The following HSD17B7 variants were observed in gnomAD, a reference collection of about 807,000 sequenced individuals.
HSD17B7 encodes the protein 3-keto-steroid reductase/17-beta-hydroxysteroid dehydrogenase 7.
Under a neutral mutation model 34.1 loss-of-function variants are expected in HSD17B7, and 17 were observed. That is an observed-to-expected ratio of 0.50 (90% CI 0.34 to 0.75). HSD17B7 has a LOEUF of 0.75. Among genes scored for constraint, HSD17B7 ranks in the 30% least tolerant of loss-of-function variants. The probability of loss-of-function intolerance (pLI) is 0.01; values close to 1 mark genes in which losing one functional copy is unlikely to be tolerated. For missense variants in HSD17B7, 296 were observed against 406.6 expected (o/e 0.73, Z 2.34); for synonymous variants, 122 against 154.6 (o/e 0.79, Z 1.56).
chr1:162,809,014 G>T (rs2102237747), intron 8 of HSD17B7, among the ~76,000 whole-genome samples: 1 of 152,278 alleles, frequency 6.6e-6, no homozygotes, highest in Middle Eastern at 3.4e-3. Flanking sequence ...TGTTGAATAG[G>T]AGTGGAGAGA....
At chr1:162,795,741 G>C (rs1358851935) in intron 2 of HSD17B7, 15 of 436,232 alleles carry the variant, frequency 3.4e-5, no homozygotes, top group Non-Finnish European at 6.9e-5. Flanking sequence ...TTGGTACATA[G>C]AACTCTAGGA....
Position 162,812,591 on chromosome 1 carries a change from T to C in HSD17B7, c.*171T>C. 1.7e-6 allele frequency: 1 copy of C among 604,328 alleles called. No individual in the cohort carries two copies. The allele number at this position is 604,328 out of a possible 1,614,324, so 37.4% of individuals were successfully genotyped here. ...TACTCAGAAGGATGAGGTGGGAGGA[T>C]CTCTTGAGGCTGGGAGGCAGAGGTT... On this transcript the variant is annotated 3_prime_UTR_variant, in exon 9 of 9. Coordinates refer to ENST00000254521, the MANE Select transcript of HSD17B7 (RefSeq NM_016371.4).
intron 2 of HSD17B7, 114 bp downstream of exon 2, chr1:162,792,976 T>C (rs1169109438): frequency 4.9e-6 from 5 of 1,011,660 alleles, no homozygotes; most frequent in Admixed American, 4.1e-5. Flanking sequence ...TAAGCAGTTA[T>C]GTTGAGGAAG....
At chr1:162,808,366 TG>T (rs2102237405) in intron 8 of HSD17B7, among the ~76,000 whole-genome samples, 1 of 152,332 alleles carries the variant, frequency 6.6e-6, no homozygotes, top group Non-Finnish European at 1.5e-5. Context: ...TTTTGGTTAC[TG>T]TAGCCTTGTA....
At chr1:162,796,468 G>A (rs1648613532) in intron 2 of HSD17B7, 117 bp from the exon 3 acceptor site, 2 of 563,452 alleles carry the variant, frequency 3.5e-6, no homozygotes, top group South Asian at 5.9e-5. Context: ...AATTTAAAAA[G>A]TATTTTTTGT....
intron 7 of HSD17B7, among the ~76,000 whole-genome samples, chr1:162,804,885 G>A (rs535461308): frequency 3.3e-5 from 5 of 152,270 alleles, no homozygotes; most frequent in Admixed American, 2.0e-4. Flanking sequence ...CTATACACAC[G>A]TGATGTCTCT....
At chr1:162,795,282 C>T (rs567387184) in intron 2 of HSD17B7, among the ~76,000 whole-genome samples, 2 of 152,304 alleles carry the variant, frequency 1.3e-5, no homozygotes, top group South Asian at 4.1e-4. Context: ...CCATCTGTAG[C>T]ATTCTCTTCT....
intron 2 of HSD17B7, chr1:162,795,764 A>G (rs1008923391): frequency 2.3e-6 from 1 of 426,940 alleles, no homozygotes; most frequent in Admixed American, 2.6e-5. Flanking sequence ...TATTCTGAAT[A>G]TTTATGGTGT....
At chr1:162,794,470 A>G (rs1648532102) in intron 2 of HSD17B7, among the ~76,000 whole-genome samples, 1 of 152,136 alleles carries the variant, frequency 6.6e-6, no homozygotes, top group East Asian at 1.9e-4. Context: ...ATCTTAAAGA[A>G]AAAAAAACAA....
At chr1:162,811,887 G>C (rs1649181623) in intron 8 of HSD17B7, among the ~76,000 whole-genome samples, 1 of 152,246 alleles carries the variant, frequency 6.6e-6, no homozygotes, top group Non-Finnish European at 1.5e-5. Flanking sequence ...TATATCCAGA[G>C]GGCAGTGAGC....
chr1:162,799,699 T>A, intron 4 of HSD17B7, 44 bp from the exon 5 acceptor site: 1 of 1,534,900 alleles, frequency 6.5e-7, no homozygotes, highest in Non-Finnish European at 8.9e-7. Flanking sequence ...TTTATCTGTA[T>A]TCTGTCAGTA....
intron 8 of HSD17B7, among the ~76,000 whole-genome samples, chr1:162,810,758 C>G (rs1649147171): frequency 6.6e-6 from 1 of 152,164 alleles, no homozygotes; most frequent in Non-Finnish European, 1.5e-5. Context: ...TTATCAGAGA[C>G]TAGGATTGCA....
chr1:162,807,121 C>A (rs1290929947), intron 8 of HSD17B7, among the ~76,000 whole-genome samples: 2 of 152,132 alleles, frequency 1.3e-5, no homozygotes, highest in East Asian at 1.9e-4. Flanking sequence ...TATCCCTCCC[C>A]TCTACACCCA....
At chr1:162,793,005 T>C (rs989443050) in intron 2 of HSD17B7, 143 bp downstream of exon 2, 7 of 714,128 alleles carry the variant, frequency 9.8e-6, no homozygotes, top group African/African-American at 3.6e-5. Flanking sequence ...GGGTGACCCA[T>C]TGTGTCTCAG....
chr1:162,792,881 G>C lies in HSD17B7; in HGVS notation c.239+19G>C, dbSNP rs150123166. The C allele has an allele frequency of 4.3e-4, 686 of 1,611,890 alleles. 4 individuals are homozygous for C. In the African/African-American group the frequency reaches 8.3e-3, roughly 19 times the overall value. On this transcript the variant is annotated intron_variant, in intron 2 of 8. Coordinates refer to ENST00000254521, the MANE Select transcript of HSD17B7 (RefSeq NM_016371.4). ...AGCAAAGGTATATCTCTTGCTGATG[G>C]ATTTTTTTTCTCATGTGATTGTGCA...
chr1:162,797,610 G>A (rs1413669251), intron 3 of HSD17B7, 192 bp from the exon 4 acceptor site: 2 of 601,352 alleles, frequency 3.3e-6, no homozygotes, highest in Non-Finnish European at 5.6e-6. Context: ...GTGAATTAGT[G>A]GGGGGAAGGA....
intron 2 of HSD17B7, among the ~76,000 whole-genome samples, chr1:162,794,184 G>A (rs1250881554): frequency 6.6e-6 from 1 of 152,148 alleles, no homozygotes; most frequent in Non-Finnish European, 1.5e-5. Context: ...TTCAAATATT[G>A]AGGCACTTAA....
chr1:162,805,619 C>CT (rs1343879882), intron 8 of HSD17B7, 127 bp downstream of exon 8: 1 of 1,415,870 alleles, frequency 7.1e-7, no homozygotes, highest in East Asian at 2.6e-5. Context: ...CAGCATCACA[C>CT]TGGCCTGATT....
At chr1:162,799,019 G>GA in intron 4 of HSD17B7, 1 of 183,516 alleles carries the variant, frequency 5.4e-6, no homozygotes, top group South Asian at 7.2e-5. Flanking sequence ...AAGAGAAAAA[G>GA]AAAGAAAGTT....
Sources: gnomAD v4.1 joint callset for allele counts (sites outside exome capture counted in the v4.1 genomes callset) on GRCh38, gnomAD v4.1.1 for gene constraint, MANE v1.5 for transcripts, NCBI Gene and HGNC (gene_info 2026-07-23, HGNC 2026-07-21) for gene names.